POU2F2: variants seen among roughly 807,000 people sequenced by gnomAD.
POU2F2 encodes the protein POU class 2 homeobox 2, also known as POU domain, class 2, transcription factor 2.
Under a neutral mutation model 63.5 loss-of-function variants are expected in POU2F2, and 14 were observed. That is an observed-to-expected ratio of 0.22 (90% CI 0.15 to 0.34). The LOEUF (loss-of-function observed/expected upper bound fraction) is 0.34. POU2F2 is among the 10% of genes least tolerant of loss of function. The pLI, the probability that POU2F2 is intolerant of heterozygous loss-of-function variation, is 1.00. For synonymous variants in POU2F2, 306 were observed against 348.6 expected (o/e 0.88, Z 1.36); for missense variants, 607 against 815.2 (o/e 0.74, Z 3.11).
At chr19:42,105,888 G>T (rs2077315910) in intron 5 of POU2F2, among the ~76,000 whole-genome samples, 1 of 151,258 alleles carries the variant, frequency 6.6e-6, no homozygotes, top group Non-Finnish European at 1.5e-5. Flanking sequence ...AAACAATAGA[G>T]GTCTAAATGT....
In POU2F2 at chr19:42,146,835, G is replaced by T. The variant is rs114616344; in HGVS notation, c.-9+13497C>A. 2.9e-3 allele frequency among the ~76,000 whole-genome samples: 435 copies of T among 152,318 alleles called. 4 individuals carry two copies. The highest frequency in any genetic ancestry group is 0.01 in the African/African-American group (426 of 41,568). On this transcript the variant is annotated intron_variant, in intron 2 of 6. Transcript: ENST00000524801. ...AGCACCTGACCTGGTAAGAGGAAAA[G>T]CTCAGGTTTGGAAGGGTCAGACTCT...
intron 12 of POU2F2, chr19:42,093,538 G>C (rs1223321384): frequency 5.6e-6 from 2 of 354,994 alleles, no homozygotes; most frequent in Non-Finnish European, 1.0e-5. Context: ...ATAAGTGCTT[G>C]AATTCACACA....
chr19:42,090,988 T>G lies in POU2F2; in HGVS notation c.*269A>C. The G allele has an allele frequency of 2.8e-5, 8 of 285,476 alleles. No homozygotes were observed. The highest frequency in any genetic ancestry group is 3.2e-5 in the Non-Finnish European group (5 of 154,912). 17.7% of individuals were successfully genotyped at this position (285,476 alleles called of 1,614,324 possible). ...TTTGTGGGTTTTTTTTTTTTTTGGT[T>G]TGTTTTTGGTTTTTTTTTGTTTGTT... On this transcript the variant is annotated 3_prime_UTR_variant, in exon 15 of 15. Transcript: ENST00000692977. The surrounding 1 kb of genome is among the most constrained non-coding windows in gnomAD (Gnocchi z 4.4).
intron 2 of POU2F2, among the ~76,000 whole-genome samples, chr19:42,154,196 A>AG (rs1191962544): frequency 3.3e-5 from 5 of 151,722 alleles, no homozygotes; most frequent in African/African-American, 4.8e-5. Context: ...CAGGAAAAAA[A>AG]GGGGGGGACA....
At chr19:42,130,033 A>AAC (rs2033564329) in intron 1 of POU2F2, among the ~76,000 whole-genome samples, 1 of 152,158 alleles carries the variant, frequency 6.6e-6, no homozygotes, top group Admixed American at 6.5e-5. Flanking sequence ...ATATATGCAA[A>AAC]ACACACACCC....
intron 1 of POU2F2, among the ~76,000 whole-genome samples, chr19:42,189,093 A>G (rs1298802837): frequency 2.6e-5 from 4 of 152,216 alleles, no homozygotes; most frequent in African/African-American, 7.2e-5. Flanking sequence ...AACAAGCTCA[A>G]TGTGAGTGGT....
At position 42,117,232 on chromosome 19, in the gene POU2F2, C is replaced by A; in HGVS notation, c.369+18G>T. 31 of 1,466,644 alleles carry A rather than the reference C, an allele frequency of 2.1e-5. No homozygotes were observed. The highest frequency in any genetic ancestry group is 2.8e-5 in the Non-Finnish European group (31 of 1,112,056). The allele number at this position is 1,466,644 out of a possible 1,614,324, so 90.9% of individuals were successfully genotyped here. ...GGCTGGTTTGTCCCCTCGTCCCCAT[C>A]CTTCCCCAAGTACTTACCCCAGCTA... On this transcript the variant is annotated intron_variant, in intron 5 of 14. Transcript: ENST00000692977. The surrounding 1 kb of genome is among the most constrained non-coding windows in gnomAD (Gnocchi z 4.4).
At chr19:42,126,952 TGTCGGCCAGGCTGGAATGCA>T (rs2033254524) in intron 1 of POU2F2, among the ~76,000 whole-genome samples, 1 of 152,142 alleles carries the variant, frequency 6.6e-6, no homozygotes, top group South Asian at 2.1e-4. Context: ...AGTCTTGCTC[TGTCGGCCAGGCTGGAATGCA>T]GTGGCACAAT....
In POU2F2 at chr19:42,091,548, G is replaced by C; in HGVS notation, c.1584C>G (p.Gly528=). The change falls in exon 15 of 15, where the codon GGC becomes GGG. Residue 528 remains glycine (G), a synonymous_variant. Coordinates refer to ENST00000692977, the MANE Select transcript of POU2F2 (RefSeq NM_001394376.1). ...GGTLPLTSLD[G]SGNLVLGAAG... is the part of the protein sequence containing the mutation. ...CTGCCCCCAGCACCAGATTCCCGCT[G>C]CCATCAAGGCTGGTAAGGGGCAGGG... 2 of 1,550,332 alleles carry C rather than the reference G, an allele frequency of 1.3e-6. No homozygotes were observed. Among genetic ancestry groups the C allele is most frequent in the Non-Finnish European group, 1.7e-6 (2 of 1,145,904 alleles).
At chr19:42,112,405 T>C (rs2146516528) in intron 5 of POU2F2, among the ~76,000 whole-genome samples, 1 of 152,296 alleles carries the variant, frequency 6.6e-6, no homozygotes, top group Non-Finnish European at 1.5e-5. Context: ...AGTCTCACTC[T>C]GTTGCCCAGG....
intron 5 of POU2F2, chr19:42,116,653 A>C: frequency 6.9e-6 from 2 of 288,082 alleles, no homozygotes; most frequent in South Asian, 5.8e-5. Context: ...CCACACACTC[A>C]CTGTTTCTGC....
In POU2F2 at chr19:42,091,948, A is replaced by G. The variant is rs1037049147; in HGVS notation, c.1467-8T>C. On this transcript the variant is annotated splice_polypyrimidine_tract_variant and splice_region_variant and intron_variant, in intron 13 of 14. Coordinates refer to ENST00000692977, the MANE Select transcript of POU2F2 (RefSeq NM_001394376.1). The stretch of plus-strand genomic sequence containing the variant: ...AACCCCACCATTGTGCTTCTGCAAG[A>G]GGCAAAGCAGAGGCATTAGCAGGGG... 8 of 1,541,900 alleles carry G rather than the reference A, an allele frequency of 5.2e-6. No individual in the cohort carries two copies. The highest frequency in any genetic ancestry group is 7.0e-6 in the Non-Finnish European group (8 of 1,144,132).
intron 2 of POU2F2, among the ~76,000 whole-genome samples, chr19:42,149,587 GC>G (rs937702563): frequency 2.0e-5 from 3 of 152,114 alleles, no homozygotes; most frequent in African/African-American, 7.2e-5. Flanking sequence ...GGAGGGAGAG[GC>G]AGCAATAAAG....
intron 4 of POU2F2, among the ~76,000 whole-genome samples, chr19:42,121,084 A>C (rs1041806656): frequency 6.6e-6 from 1 of 152,154 alleles, no homozygotes; most frequent in African/African-American, 2.4e-5. Flanking sequence ...TGGCATCCCC[A>C]AAAGAAGGAA....
At chr19:42,130,008 C>T (rs1262985173) in intron 1 of POU2F2, among the ~76,000 whole-genome samples, 3 of 152,204 alleles carry the variant, frequency 2.0e-5, no homozygotes, top group Admixed American at 6.5e-5. Flanking sequence ...CATGCCCAGA[C>T]ATGATGCCAC....
At chr19:42,194,120 C>T (rs1330983359) in intron 1 of POU2F2, among the ~76,000 whole-genome samples, 2 of 152,170 alleles carry the variant, frequency 1.3e-5, no homozygotes, top group Non-Finnish European at 2.9e-5. Context: ...AAGGCGGTGG[C>T]TCATGCCTGT....
At chr19:42,151,530 C>A (rs1344678222) in intron 2 of POU2F2, among the ~76,000 whole-genome samples, 4 of 152,142 alleles carry the variant, frequency 2.6e-5, no homozygotes, top group Admixed American at 2.0e-4. Context: ...CCTGCTCTCA[C>A]CCTCTGGATG....
At chr19:42,171,433 TGTGTGTGTG>T (rs2034765209) in intron 1 of POU2F2, among the ~76,000 whole-genome samples, 1 of 97,772 alleles carries the variant, frequency 1.0e-5, no homozygotes, top group African/African-American at 3.1e-5. Context: ...CTGCGCTTCG[TGTGTGTGTG>T]TGTGTGTGTG....
chr19:42,105,087 A>G (rs2077286574), intron 5 of POU2F2, among the ~76,000 whole-genome samples: 1 of 152,132 alleles, frequency 6.6e-6, no homozygotes, highest in African/African-American at 2.4e-5. Context: ...CCAGATGTGG[A>G]TCAACTGTGA....
Sources: gnomAD v4.1 joint callset for allele counts (sites outside exome capture counted in the v4.1 genomes callset) on GRCh38, gnomAD v4.1.1 for gene constraint, Gnocchi (gnomAD v3.1) non-coding constraint, MANE v1.5 for transcripts, NCBI Gene and HGNC (gene_info 2026-07-23, HGNC 2026-07-21) for gene names.